Variants in ATP11A observed in about 807,000 individuals in gnomAD.
The protein encoded by ATP11A is phospholipid-transporting ATPase IH.
ATP11A carries 81 observed loss-of-function variants against 154.4 expected under a neutral mutation model. The observed-to-expected ratio is 0.52, with a 90% CI of 0.44 to 0.63. The LOEUF is 0.63. Among genes scored for constraint, ATP11A ranks in the 30% least tolerant of loss-of-function variants. The pLI is 0.00. For missense variants in ATP11A, 1,316 were observed against 1,474.3 expected (o/e 0.89, Z 1.76); for synonymous variants, 623 against 585.9 (o/e 1.06, Z -0.91).
chr13:112,721,249 C>T (rs528235106), intron 1 of ATP11A, among the ~76,000 whole-genome samples: 8 of 152,094 alleles, frequency 5.3e-5, no homozygotes, highest in Non-Finnish European at 1.0e-4. Context: ...CCCTCTGCCC[C>T]GCAGGTAACT....
At chr13:112,783,760 C>T (rs1033480321) in intron 1 of ATP11A, among the ~76,000 whole-genome samples, 1 of 152,320 alleles carries the variant, frequency 6.6e-6, no homozygotes, top group Admixed American at 6.5e-5. Context: ...TCAGATGTGG[C>T]GTTTGGATTT....
chr13:112,840,849 C>T (rs1313645856), intron 16 of ATP11A, among the ~76,000 whole-genome samples: 2 of 152,006 alleles, frequency 1.3e-5, no homozygotes, highest in African/African-American at 4.8e-5. Context: ...AGCCCGAGAG[C>T]GTCCCCTCCC....
chr13:112,823,063 T>C (rs1371744700), intron 8 of ATP11A, among the ~76,000 whole-genome samples: 1 of 152,172 alleles, frequency 6.6e-6, no homozygotes, highest in East Asian at 1.9e-4. Flanking sequence ...CGGGCGCAGC[T>C]CAGTGGGTCT....
At chr13:112,732,958 G>A (rs1229560164) in intron 1 of ATP11A, among the ~76,000 whole-genome samples, 1 of 152,170 alleles carries the variant, frequency 6.6e-6, no homozygotes, top group Non-Finnish European at 1.5e-5. Context: ...TAGGTGGCAG[G>A]TGTTGAATTA....
chr13:112,868,553 T>C (rs927541141), intron 25 of ATP11A, among the ~76,000 whole-genome samples: 1 of 151,928 alleles, frequency 6.6e-6, no homozygotes, highest in Admixed American at 6.6e-5. Context: ...GAGGACAGGG[T>C]TCCACAGAAA....
rs1019969341 is a variant in ATP11A, at chr13:112,882,787, C to T, written c.*921C>T. Reference sequence around the variant, plus strand: ...CTGTTACGGGAGAATGTTGATTTCGCGGGTGCGAGGGCCGGGAGACAGATA... The same window carrying T: ...CTGTTACGGGAGAATGTTGATTTCGTGGGTGCGAGGGCCGGGAGACAGATA... On this transcript the variant is annotated 3_prime_UTR_variant, in exon 30 of 30. Coordinates refer to ENST00000375645, the MANE Select transcript of ATP11A (RefSeq NM_015205.3). The surrounding 1 kb of genome is among the most constrained non-coding windows in gnomAD (Gnocchi z 5.1). 3.8e-5 allele frequency: 15 copies of T among 399,076 alleles called. No individual in the cohort carries two copies. The highest frequency in any genetic ancestry group is 2.5e-4 in the South Asian group (2 of 7,876). 24.7% of individuals were successfully genotyped at this position (399,076 alleles called of 1,614,324 possible).
Position 112,713,327 on chromosome 13 carries a change from G to A in ATP11A, c.39+22872G>A, listed in dbSNP as rs148433408. Among the ~76,000 whole-genome samples, 116 of 152,238 alleles carry A rather than the reference G, an allele frequency of 7.6e-4. 1 individual carries two copies. Among genetic ancestry groups the A allele is most frequent in the Non-Finnish European group, 1.0e-3 (69 of 68,022 alleles). On this transcript the variant is annotated intron_variant, in intron 1 of 29. Coordinates refer to ENST00000375645, the MANE Select transcript of ATP11A (RefSeq NM_015205.3). ...GGAGAATTGCTTGAACCTGGGAGGC[G>A]GAGGTTGCAGTGAGCCAAGATCATG...
intron 2 of ATP11A, among the ~76,000 whole-genome samples, chr13:112,797,795 A>T (rs1200059691): frequency 6.6e-6 from 1 of 152,236 alleles, no homozygotes. Context: ...GAAAGAAGGA[A>T]AATTATATAG....
At chr13:112,797,756 C>T (rs1398423378) in intron 2 of ATP11A, among the ~76,000 whole-genome samples, 1 of 152,156 alleles carries the variant, frequency 6.6e-6, no homozygotes, top group African/African-American at 2.4e-5. Context: ...CAGTAGACCT[C>T]CCTTGCAAGA....
At chr13:112,701,926 C>T (rs1742811979) in intron 1 of ATP11A, among the ~76,000 whole-genome samples, 1 of 152,166 alleles carries the variant, frequency 6.6e-6, no homozygotes, top group Admixed American at 6.5e-5. Context: ...TGTGTCTCGG[C>T]ATCCTGTGGA....
chr13:112,855,239 A>G lies in ATP11A; in HGVS notation c.2244-672A>G, dbSNP rs553852138. On this transcript the variant is annotated intron_variant, in intron 19 of 29. Coordinates refer to ENST00000375645, the MANE Select transcript of ATP11A (RefSeq NM_015205.3). ...TTTTTGTTTTTGAGATGGAGCCTCA[A>G]TCTGTCGCCCAGGCTGGAGTGCAGT... Among the ~76,000 whole-genome samples, 54 of 152,212 alleles carry G rather than the reference A, an allele frequency of 3.5e-4. 1 individual carries two copies. The South Asian group carries it at 9.5e-3, about 27-fold the overall frequency.
chr13:112,762,962 G>A (rs900755926), intron 1 of ATP11A, among the ~76,000 whole-genome samples: 6 of 152,218 alleles, frequency 3.9e-5, no homozygotes, highest in African/African-American at 1.4e-4. Flanking sequence ...TAGGGGCAAA[G>A]AATAAAACCA....
chr13:112,692,504 G>C (rs1885314353), intron 1 of ATP11A, among the ~76,000 whole-genome samples: 1 of 152,188 alleles, frequency 6.6e-6, no homozygotes, highest in Non-Finnish European at 1.5e-5. Context: ...ATCTATATAA[G>C]TGTTTGCGTA....
chr13:112,856,544 T>C (rs925161485), intron 20 of ATP11A: 1 of 153,192 alleles, frequency 6.5e-6, no homozygotes, highest in African/African-American at 2.4e-5. Context: ...AGGCTGCAGA[T>C]GGGAAATGCC....
At chr13:112,851,696 T>C (rs1485676397) in intron 18 of ATP11A, 1 of 152,926 alleles carries the variant, frequency 6.5e-6, no homozygotes, top group African/African-American at 2.4e-5. Flanking sequence ...TAATTTTTTA[T>C]ATTTTTTGTA....
intron 1 of ATP11A, among the ~76,000 whole-genome samples, chr13:112,735,848 G>A (rs1890944357): frequency 6.6e-6 from 1 of 152,230 alleles, no homozygotes. Context: ...GTTGGGCTCA[G>A]CACTAAGGAG....
At chr13:112,783,722 G>A (rs547938924) in intron 1 of ATP11A, among the ~76,000 whole-genome samples, 1 of 152,370 alleles carries the variant, frequency 6.6e-6, no homozygotes, top group East Asian at 1.9e-4. Flanking sequence ...TCCGAGGTGG[G>A]CTCAGGGCCA....
intron 1 of ATP11A, among the ~76,000 whole-genome samples, chr13:112,773,305 C>T (rs993509651): frequency 4.6e-5 from 7 of 152,134 alleles, no homozygotes; most frequent in Non-Finnish European, 5.9e-5. Context: ...CAGCAGTTTG[C>T]GTGGTGTCAC....
At chr13:112,863,567 A>T (rs368514973) in intron 25 of ATP11A, among the ~76,000 whole-genome samples, 1 of 75,126 alleles carries the variant, frequency 1.3e-5, no homozygotes, top group South Asian at 4.7e-4. Flanking sequence ...CCATCACCAC[A>T]TGGGCAGTAA....
Sources: allele counts gnomAD v4.1 joint callset (sites outside exome capture counted in the v4.1 genomes callset), GRCh38; gene constraint gnomAD v4.1.1; non-coding constraint Gnocchi (gnomAD v3.1); transcripts MANE v1.5; gene names NCBI Gene and HGNC (gene_info 2026-07-23, HGNC 2026-07-21).